Variants in OSBPL1A observed in about 807,000 individuals in gnomAD.
OSBPL1A encodes the protein oxysterol binding protein like 1A.
Under a neutral mutation model 137.1 loss-of-function variants are expected in OSBPL1A, and 80 were observed. The ratio of observed to expected loss-of-function variants is 0.58; its 90% CI spans 0.49 to 0.70. The LOEUF (loss-of-function observed/expected upper bound fraction) is 0.70, where lower values mean the gene tolerates loss of function less well. Ranked by LOEUF, OSBPL1A falls within the 30% of genes least tolerant of loss-of-function variation. The pLI, the probability that OSBPL1A is intolerant of heterozygous loss-of-function variation, is 0.00. For synonymous variants in OSBPL1A, 365 were observed against 389.7 expected, an observed-to-expected ratio of 0.94 and a Z score of 0.75; for missense variants, 970 against 1,129.4, an observed-to-expected ratio of 0.86 and a Z score of 2.02.
intron 11 of OSBPL1A, 120 bp downstream of exon 11, chr18:24,317,029 G>GT: frequency 3.1e-6 from 3 of 969,382 alleles, no homozygotes; most frequent in South Asian, 1.6e-5. Context: ...ATATACAAGT[G>GT]TTTTCTACAG....
chr18:24,283,657 A>G (rs966553408), intron 14 of OSBPL1A, among the ~76,000 whole-genome samples: 20 of 152,268 alleles, frequency 1.3e-4, no homozygotes, highest in African/African-American at 4.6e-4. Context: ...GAGATGTACC[A>G]GGAGAAACAG....
At chr18:24,368,927 C>T (rs769585324) in intron 2 of OSBPL1A, among the ~76,000 whole-genome samples, 4 of 152,108 alleles carry the variant, frequency 2.6e-5, no homozygotes, top group Non-Finnish European at 5.9e-5. Flanking sequence ...GTGATTGGAT[C>T]ATAGGGGCGG....
Position 24,178,091 on chromosome 18 carries a change from G to C in OSBPL1A, c.2015C>G (p.Ser672Cys), listed in dbSNP as rs1209783352. 1 of 1,613,482 alleles carries C rather than the reference G, an allele frequency of 6.2e-7. No individual in the cohort carries two copies. The highest frequency in any genetic ancestry group is 1.3e-5 in the African/African-American group (1 of 74,822). ...GLNNDFIFHGSIYPKLKFWGK... is the reference protein window; with the variant it reads ...GLNNDFIFHGCIYPKLKFWGK... Reference sequence around the variant, plus strand: ...CCAGAATTTCAGTTTGGGATAGATAGAGCCATGAAAGATGAAGTCATTGTT... The same window carrying C: ...CCAGAATTTCAGTTTGGGATAGATACAGCCATGAAAGATGAAGTCATTGTT... Residue 672 changes from serine (S) to cysteine (C), a missense_variant, in exon 21 of 28, where the codon TCT becomes TGT. Physicochemically the swap from Ser to Cys is moderately radical, Grantham distance 112. Transcript: ENST00000319481.
intron 2 of OSBPL1A, among the ~76,000 whole-genome samples, chr18:24,371,725 T>C (rs1214331948): frequency 1.3e-5 from 2 of 152,152 alleles, no homozygotes; most frequent in Non-Finnish European, 2.9e-5. Context: ...TTCCTTCCTG[T>C]CAACCCCCAC....
Position 24,291,898 on chromosome 18 carries a change from A to T in OSBPL1A, c.1175-10950T>A, listed in dbSNP as rs2090181512. ...TGAAACCCTGTCTCTACTAAAAAAT[A>T]AAAAATTAAAATAAATTAAAATAAA... On this transcript the variant is annotated intron_variant, in intron 14 of 27. Transcript: ENST00000319481. Among the ~76,000 whole-genome samples, 4 of 151,954 alleles carry T rather than the reference A, an allele frequency of 2.6e-5. No homozygotes were observed. The South Asian group carries it at 8.3e-4, about 32-fold the overall frequency.
At chr18:24,199,398 G>A (rs1204154278) in intron 17 of OSBPL1A, among the ~76,000 whole-genome samples, 3 of 151,820 alleles carry the variant, frequency 2.0e-5, no homozygotes, top group Non-Finnish European at 4.4e-5. Flanking sequence ...GGCTCCCCCA[G>A]CTGCTATGCA....
At chr18:24,244,379 A>G (rs961500208) in intron 15 of OSBPL1A, among the ~76,000 whole-genome samples, 1 of 152,252 alleles carries the variant, frequency 6.6e-6, no homozygotes. Flanking sequence ...TTATTAGATT[A>G]TAATTGTATA....
At chr18:24,368,101 TTTAA>T (rs1218587113) in intron 3 of OSBPL1A, 182 bp downstream of exon 3, 6 of 395,840 alleles carry the variant, frequency 1.5e-5, no homozygotes, top group East Asian at 3.8e-5. Context: ...AACATACAAT[TTTAA>T]TTAATCAGGC....
At chr18:24,274,564 A>C (rs1299805923) in intron 15 of OSBPL1A, among the ~76,000 whole-genome samples, 1 of 152,116 alleles carries the variant, frequency 6.6e-6, no homozygotes, top group Non-Finnish European at 1.5e-5. Flanking sequence ...ACTCGCAGAA[A>C]CCTAGGTAAT....
intron 2 of OSBPL1A, among the ~76,000 whole-genome samples, chr18:24,376,319 C>G (rs947433152): frequency 1.3e-5 from 2 of 152,194 alleles, no homozygotes; most frequent in African/African-American, 4.8e-5. Flanking sequence ...CAAAGGTTCT[C>G]CAAGGCCCCA....
chr18:24,208,998 T>C (rs1007529399), intron 17 of OSBPL1A, among the ~76,000 whole-genome samples: 2 of 152,112 alleles, frequency 1.3e-5, no homozygotes, highest in Non-Finnish European at 2.9e-5. Flanking sequence ...TGGCTGAAAG[T>C]TTGGGGTAGG....
chr18:24,337,485 C>T (rs1367083858), intron 5 of OSBPL1A, among the ~76,000 whole-genome samples: 1 of 149,608 alleles, frequency 6.7e-6, no homozygotes, highest in Non-Finnish European at 1.5e-5. Context: ...GCAGAAGAGT[C>T]GCTTGAGCCC....
chr18:24,333,240 C>G (rs2851984), intron 6 of OSBPL1A, among the ~76,000 whole-genome samples, 154 bp from the exon 7 acceptor site: 24,397 of 152,168 alleles, frequency 0.16, 2,312 homozygotes, highest in Non-Finnish European at 0.22. Context: ...ACCAGCCAAC[C>G]CTGCCACACC....
intron 16 of OSBPL1A, among the ~76,000 whole-genome samples, 157 bp downstream of exon 16, chr18:24,239,063 A>C (rs1350314593): frequency 6.6e-6 from 1 of 152,200 alleles, no homozygotes; most frequent in African/African-American, 2.4e-5. Flanking sequence ...ATGACACACA[A>C]AAAATCTGGG....
intron 14 of OSBPL1A, among the ~76,000 whole-genome samples, chr18:24,287,268 T>A (rs908358684): frequency 3.3e-5 from 5 of 152,190 alleles, no homozygotes; most frequent in African/African-American, 1.2e-4. Flanking sequence ...TAAGTCCTTA[T>A]GAGAAAAACG....
intron 13 of OSBPL1A, among the ~76,000 whole-genome samples, chr18:24,310,432 C>CAAAAAAAA (rs3039412): frequency 3.3e-5 from 3 of 89,722 alleles, no homozygotes; most frequent in Admixed American, 1.4e-4. Flanking sequence ...ACTAAAAATA[C>CAAAAAAAA]AAAAAAAAAA....
chr18:24,183,598 A>G (rs1054398058), intron 18 of OSBPL1A, among the ~76,000 whole-genome samples: 1 of 150,124 alleles, frequency 6.7e-6, no homozygotes, highest in South Asian at 2.1e-4. Context: ...ATGCCTGGCT[A>G]ATTTTTTTTT....
intron 2 of OSBPL1A, among the ~76,000 whole-genome samples, chr18:24,370,500 T>C (rs565084544): frequency 2.6e-5 from 4 of 152,232 alleles, no homozygotes; most frequent in Admixed American, 1.3e-4. Context: ...TCACAAACTG[T>C]GCCTCTGTTT....
chr18:24,275,858 G>C (rs916395496), intron 15 of OSBPL1A, among the ~76,000 whole-genome samples: 1 of 152,030 alleles, frequency 6.6e-6, no homozygotes, highest in Non-Finnish European at 1.5e-5. Context: ...CTCCCGAGTA[G>C]CTGGGATTAC....
Sources: allele counts gnomAD v4.1 joint callset (sites outside exome capture counted in the v4.1 genomes callset), GRCh38; gene constraint gnomAD v4.1.1; transcripts MANE v1.5; gene names NCBI Gene and HGNC (gene_info 2026-07-23, HGNC 2026-07-21).